Variants in BICD2 observed in about 807,000 individuals in gnomAD.
The protein encoded by BICD2 is BICD cargo adaptor 2.
A neutral mutation model predicts 72.9 loss-of-function variants in BICD2; 25 were observed. That is an observed-to-expected ratio of 0.34 (90% CI 0.25 to 0.48). BICD2 has a LOEUF of 0.48. Among genes scored for constraint, BICD2 ranks in the 20% least tolerant of loss-of-function variants. The probability of loss-of-function intolerance (pLI) is 0.99; values close to 1 mark genes in which losing one functional copy is unlikely to be tolerated. For synonymous variants in BICD2, 501 were observed against 516.1 expected, an observed-to-expected ratio of 0.97 and a Z score of 0.40; for missense variants, 894 against 1,175.2, an observed-to-expected ratio of 0.76 and a Z score of 3.50.
intron 1 of BICD2, among the ~76,000 whole-genome samples, chr9:92,738,052 C>T (rs547049851): frequency 1.7e-4 from 26 of 152,338 alleles, no homozygotes; most frequent in African/African-American, 6.3e-4. Flanking sequence ...CACTTCCCGG[C>T]GGCACAGCAG....
Position 92,719,591 on chromosome 9 carries a change from G to A in BICD2, c.1063-9C>T, listed in dbSNP as rs767362616. On this transcript the variant is annotated splice_polypyrimidine_tract_variant and intron_variant, in intron 4 of 6. Coordinates refer to ENST00000356884, the MANE Select transcript of BICD2 (RefSeq NM_001003800.2). The stretch of plus-strand genomic sequence containing the variant: ...GCCTTTTCCCGCTCCATCTGCAAAG[G>A]CACAGGCAGCAGGACACCATGTCAG... 13 of 1,587,642 alleles carry A rather than the reference G, an allele frequency of 8.2e-6. No individual in the cohort carries two copies. The African/African-American group carries it at 1.5e-4, about 18-fold the overall frequency.
In BICD2 at chr9:92,764,467, G is replaced by T. The variant is rs1444021263; in HGVS notation, c.240+38C>A. On this transcript the variant is annotated intron_variant, in intron 1 of 6. Transcript: ENST00000356884. This position sits in a 1 kb window ranked among gnomAD's most constrained non-coding sequence, Gnocchi z 5.5. ...AGGGACGACGCCCACAGGCCCCGGC[G>T]CCGGGCGGGGGTCGCAGGGCAGGGC... The T allele has an allele frequency of 4.1e-6, 6 of 1,454,508 alleles. No homozygotes were observed. In the Admixed American group the frequency reaches 1.5e-4, roughly 36 times the overall value. The allele number at this position is 1,454,508 out of a possible 1,614,324, so 90.1% of individuals were successfully genotyped here.
chr9:92,720,845 C>G lies in BICD2; in HGVS notation c.607-90G>C. ...TGAAGAAAACACACCAGCACACCAACTCCGGCCACTATGAAGCAAAAGATG... is the reference window on the plus strand; with the variant it reads ...TGAAGAAAACACACCAGCACACCAAGTCCGGCCACTATGAAGCAAAAGATG... On this transcript the variant is annotated intron_variant, in intron 3 of 6. Transcript: ENST00000356884. The surrounding 1 kb of genome is among the most constrained non-coding windows in gnomAD (Gnocchi z 5.4). The G allele has an allele frequency of 1.5e-6, 2 of 1,341,144 alleles. No individual in the cohort carries two copies. The highest frequency in any genetic ancestry group is 1.9e-4 in the Middle Eastern group (1 of 5,310). The allele number at this position is 1,341,144 out of a possible 1,614,324, so 83.1% of individuals were successfully genotyped here.
chr9:92,750,079 G>T (rs1404886505), intron 1 of BICD2, among the ~76,000 whole-genome samples: 1 of 152,210 alleles, frequency 6.6e-6, no homozygotes, highest in Non-Finnish European at 1.5e-5. Context: ...CACCAGTAAG[G>T]TTCACAGTCA....
intron 1 of BICD2, among the ~76,000 whole-genome samples, chr9:92,755,275 T>C (rs1370769777): frequency 6.6e-6 from 1 of 152,220 alleles, no homozygotes; most frequent in African/African-American, 2.4e-5. Flanking sequence ...AAACCCTGTC[T>C]CCTGATAAGA....
chr9:92,741,742 AAGG>A (rs1426553426), intron 1 of BICD2, among the ~76,000 whole-genome samples: 1 of 152,218 alleles, frequency 6.6e-6, no homozygotes, highest in Non-Finnish European at 1.5e-5. Context: ...CTCCCCTTAA[AAGG>A]AGAAGGCAGG....
chr9:92,737,673 G>A (rs1853817045), intron 1 of BICD2, among the ~76,000 whole-genome samples: 2 of 152,148 alleles, frequency 1.3e-5, no homozygotes, highest in African/African-American at 2.4e-5. Flanking sequence ...CTTTCCTGAC[G>A]CCAGTACCAG....
At chr9:92,728,901 C>T in intron 2 of BICD2, 123 bp downstream of exon 2, 1 of 1,074,064 alleles carries the variant, frequency 9.3e-7, no homozygotes. Context: ...GAAAGCAAGA[C>T]AGACCAGCCA....
At chr9:92,756,031 T>C (rs574809199) in intron 1 of BICD2, among the ~76,000 whole-genome samples, 5 of 152,220 alleles carry the variant, frequency 3.3e-5, no homozygotes, top group African/African-American at 1.2e-4. Context: ...GTATGAGTGG[T>C]CCTCACTATG....
Position 92,722,716 on chromosome 9 carries a change from C to G in BICD2, c.546G>C (p.Ser182=). ...FREARLLQDY[S]ELEEENISLQ... ...GGCTGATGTTCTCCTCCTCCAGTTC[C>G]GAGTAGTCCTGCAGCAGACGAGCTT... Residue 182 remains serine (S), a synonymous_variant, in exon 3 of 7, where the codon TCG becomes TCC. Transcript: ENST00000356884. 2 of 1,614,220 alleles carry G rather than the reference C, an allele frequency of 1.2e-6. No individual in the cohort carries two copies. The highest frequency in any genetic ancestry group is 1.7e-6 in the Non-Finnish European group (2 of 1,180,054).
chr9:92,740,453 G>A (rs1364927893), intron 1 of BICD2, among the ~76,000 whole-genome samples: 4 of 151,914 alleles, frequency 2.6e-5, no homozygotes, highest in South Asian at 4.2e-4. Context: ...ACAAAACAAC[G>A]GGAAATCAAA....
chr9:92,754,927 G>GA (rs965973265), intron 1 of BICD2, among the ~76,000 whole-genome samples: 2 of 151,902 alleles, frequency 1.3e-5, no homozygotes, highest in African/African-American at 2.4e-5. Flanking sequence ...TGGGCACCTT[G>GA]AAAAAAAGAA....
intron 1 of BICD2, among the ~76,000 whole-genome samples, chr9:92,751,394 T>C (rs1241160155): frequency 6.6e-6 from 1 of 152,124 alleles, no homozygotes; most frequent in African/African-American, 2.4e-5. Flanking sequence ...TCTATCCTCC[T>C]TGGCCTCCCA....
In BICD2 at chr9:92,713,142, G is replaced by A. The variant is rs1363340952; in HGVS notation, c.*2012C>T. ...GGTTGATCGGATAAAAAAAGAACAT[G>A]TGTAACAAGGAGCCCCCGTGGTGGG... On this transcript the variant is annotated 3_prime_UTR_variant, in exon 7 of 7. Coordinates refer to ENST00000356884, the MANE Select transcript of BICD2 (RefSeq NM_001003800.2). The A allele has an allele frequency of 2.5e-6, 1 of 401,898 alleles. No homozygotes were observed. Among genetic ancestry groups the A allele is most frequent in the Non-Finnish European group, 4.5e-6 (1 of 221,660 alleles). 24.9% of individuals were successfully genotyped at this position (401,898 alleles called of 1,614,324 possible). A position where few individuals can be genotyped will look rare whatever the true frequency, so the allele number is the denominator to read the frequency against.
At position 92,729,246 on chromosome 9, in the gene BICD2, A is replaced by AG. The variant is rs1414706614; in HGVS notation, c.241-11_241-10insC. On this transcript the variant is annotated splice_polypyrimidine_tract_variant and intron_variant, in intron 1 of 6. Coordinates refer to ENST00000356884, the MANE Select transcript of BICD2 (RefSeq NM_001003800.2). ...GTGCTTGTCCAAAGGCCTGCATCAGAAGACAAGACACTCGTGAGGTGGGCC... is the reference window on the plus strand; with the variant it reads ...GTGCTTGTCCAAAGGCCTGCATCAGAGAGACAAGACACTCGTGAGGTGGGCC... 6.2e-7 allele frequency: 1 copy of AG among 1,613,538 alleles called. No homozygotes were observed. Among genetic ancestry groups the AG allele is most frequent in the Non-Finnish European group, 8.5e-7 (1 of 1,179,770 alleles).
At chr9:92,744,806 A>C (rs1853974454) in intron 1 of BICD2, among the ~76,000 whole-genome samples, 1 of 151,916 alleles carries the variant, frequency 6.6e-6, no homozygotes, top group Non-Finnish European at 1.5e-5. Context: ...GTGTCACTGC[A>C]CTCCAGCCTG....
Position 92,711,378 on chromosome 9 carries a change from T to C in BICD2, c.*3776A>G, listed in dbSNP as rs1853191558. On this transcript the variant is annotated 3_prime_UTR_variant, in exon 7 of 7. Transcript: ENST00000356884. ...AGAACAAACATGTGCTTTGTCTTTT[T>C]ATTATTCTTTATTGGTCCTACCAAT... 1 of 152,644 alleles carries C rather than the reference T, an allele frequency of 6.6e-6. No individual in the cohort carries two copies. The highest frequency in any genetic ancestry group is 2.4e-5 in the African/African-American group (1 of 41,458). 9.5% of individuals were successfully genotyped at this position (152,644 alleles called of 1,614,324 possible).
chr9:92,730,574 A>G lies in BICD2; in HGVS notation c.241-1338T>C, dbSNP rs570967444. On this transcript the variant is annotated intron_variant, in intron 1 of 6. Coordinates refer to ENST00000356884, the MANE Select transcript of BICD2 (RefSeq NM_001003800.2). Reference sequence around the variant, plus strand: ...GGGAAGACAGACTGATTGATCTTACAGCACTGTGAGGATCACAGGATCCTG... The same window carrying G: ...GGGAAGACAGACTGATTGATCTTACGGCACTGTGAGGATCACAGGATCCTG... 2.6e-5 allele frequency among the ~76,000 whole-genome samples: 4 copies of G among 152,358 alleles called. No individual in the cohort carries two copies. The East Asian group carries it at 7.7e-4, about 29-fold the overall frequency.
intron 1 of BICD2, among the ~76,000 whole-genome samples, chr9:92,749,797 T>C (rs1854111353): frequency 6.6e-6 from 1 of 152,308 alleles, no homozygotes; most frequent in South Asian, 2.1e-4. Context: ...GGACCAGCCC[T>C]CATCTTCCAT....
Sources: allele counts gnomAD v4.1 joint callset (sites outside exome capture counted in the v4.1 genomes callset), GRCh38; gene constraint gnomAD v4.1.1; non-coding constraint Gnocchi (gnomAD v3.1); transcripts MANE v1.5; gene names NCBI Gene and HGNC (gene_info 2026-07-23, HGNC 2026-07-21).